MTMR3: variants seen among roughly 807,000 people sequenced by gnomAD.
MTMR3 encodes the protein phosphatidylinositol-3,5-bisphosphate 3-phosphatase MTMR3.
Under a neutral mutation model 132.4 loss-of-function variants are expected in MTMR3, and 32 were observed. That is an observed-to-expected ratio of 0.24 (90% CI 0.18 to 0.32). The LOEUF (loss-of-function observed/expected upper bound fraction) is 0.32. Among genes scored for constraint, MTMR3 ranks in the 10% least tolerant of loss-of-function variants. The pLI, the probability that MTMR3 is intolerant of heterozygous loss-of-function variation, is 1.00. For missense variants in MTMR3, 1,216 were observed against 1,489.6 expected, an observed-to-expected ratio of 0.82 and a Z score of 3.02; for synonymous variants, 556 against 550.3, an observed-to-expected ratio of 1.01 and a Z score of -0.14.
rs137961895 is a variant in MTMR3, at chr22:29,935,853, C to T, written c.-137-21183C>T. On this transcript the variant is annotated intron_variant, in intron 1 of 19. Coordinates refer to ENST00000401950, the MANE Select transcript of MTMR3 (RefSeq NM_021090.4). ...CTGCAGGCTCTGCCTCCCAGGTTCA[C>T]GCCATTCTCCTGCCTCAGCCTCCCG... Among the ~76,000 whole-genome samples the T allele has an allele frequency of 2.0e-3, 307 of 150,326 alleles. 3 individuals are homozygous for T. Among genetic ancestry groups the T allele is most frequent in the Admixed American group, 3.6e-3 (53 of 14,892 alleles).
chr22:29,988,363 T>C, intron 5 of MTMR3, 117 bp from the exon 6 acceptor site: 1 of 610,312 alleles, frequency 1.6e-6, no homozygotes, highest in South Asian at 2.8e-5. Context: ...AAGTTTGCAG[T>C]TCTATTTTTG....
chr22:29,941,060 C>T (rs36599), intron 1 of MTMR3, among the ~76,000 whole-genome samples: 12,947 of 149,740 alleles, frequency 0.086, 1,192 homozygotes, highest in African/African-American at 0.12. Context: ...CTTTATGCAC[C>T]GCTTCTAGTT....
chr22:30,013,683 A>G, intron 14 of MTMR3, 142 bp downstream of exon 14: 1 of 748,188 alleles, frequency 1.3e-6, no homozygotes, highest in East Asian at 3.0e-5. Flanking sequence ...TTTTTTTTTT[A>G]GTAAATAATT....
At position 29,979,028 on chromosome 22, in the gene MTMR3, C is replaced by G; in HGVS notation, c.186C>G (p.Ile62Met). The G allele has an allele frequency of 6.2e-7, 1 of 1,611,738 alleles. No homozygotes were observed. The highest frequency in any genetic ancestry group is 8.5e-7 in the Non-Finnish European group (1 of 1,177,884). ...CCCTTTCCAATTACAGACTTCACAT[C>G]AAGTTCAAGGAGTCTCTTGTTAATG... ...IIALSNYRLH[I>M]KFKESLVNVP... The change falls in exon 5 of 20, where the codon ATC (isoleucine) becomes ATG (methionine). Residue 62 changes from isoleucine (I) to methionine (M), a missense_variant. Ile to Met is a conservative substitution (Grantham distance 10). This residue lies in a region of MTMR3 where 81 missense variants were observed against 87.7 expected (regional missense o/e 0.92). Coordinates refer to ENST00000401950, the MANE Select transcript of MTMR3 (RefSeq NM_021090.4).
intron 1 of MTMR3, among the ~76,000 whole-genome samples, chr22:29,900,614 C>A (rs1182729887): frequency 1.3e-5 from 2 of 151,896 alleles, no homozygotes; most frequent in East Asian, 3.8e-4. Flanking sequence ...AGGATTATTC[C>A]CAGAGGTAGG....
chr22:29,978,150 G>A, intron 3 of MTMR3: 1 of 242,406 alleles, frequency 4.1e-6, no homozygotes, highest in South Asian at 5.3e-5. Flanking sequence ...CTGGGTGATA[G>A]TGAGATTCTG....
chr22:29,942,029 G>T (rs1363458891), intron 1 of MTMR3, among the ~76,000 whole-genome samples: 6 of 152,104 alleles, frequency 3.9e-5, no homozygotes, highest in South Asian at 2.1e-4. Context: ...TATCTTGAAT[G>T]CCTTTAGTTT....
At chr22:29,923,066 G>A (rs1174415628) in intron 1 of MTMR3, among the ~76,000 whole-genome samples, 1 of 148,142 alleles carries the variant, frequency 6.8e-6, no homozygotes, top group African/African-American at 2.5e-5. Context: ...TTTTGAGACG[G>A]AGTCTTGCTC....
In MTMR3 at chr22:29,991,739, T is replaced by G. The variant is rs962933736; in HGVS notation, c.460+69T>G. 13 of 1,452,850 alleles carry G rather than the reference T, an allele frequency of 8.9e-6. No homozygotes were observed. In the Admixed American group the frequency reaches 2.3e-4, roughly 26 times the overall value. The allele number at this position is 1,452,850 out of a possible 1,614,324, so 90.0% of individuals were successfully genotyped here. ...GCTACTGATGGAGGTACTTTTAACA[T>G]GAAATGGGACACCTAAGCATTCATA... On this transcript the variant is annotated intron_variant, in intron 7 of 19. Transcript: ENST00000401950.
chr22:29,957,461 A>G (rs2066222356), intron 2 of MTMR3, among the ~76,000 whole-genome samples: 1 of 146,692 alleles, frequency 6.8e-6, no homozygotes, highest in Non-Finnish European at 1.5e-5. Flanking sequence ...TTATTTATTG[A>G]TATATTTTTT....
At chr22:29,914,002 A>C (rs1379807425) in intron 1 of MTMR3, among the ~76,000 whole-genome samples, 1 of 152,024 alleles carries the variant, frequency 6.6e-6, no homozygotes, top group Non-Finnish European at 1.5e-5. Context: ...CGCCCACCTC[A>C]ACCTCCCAAA....
chr22:30,007,663 G>A, intron 10 of MTMR3: 2 of 573,252 alleles, frequency 3.5e-6, no homozygotes, highest in Non-Finnish European at 3.1e-6. Context: ...TAAGAGACTG[G>A]GCTGTGTGAA....
chr22:29,887,822 A>T lies in MTMR3; in HGVS notation c.-138+4463A>T, dbSNP rs560528620. ...GGTAATGAAATCAATGTACTTATTT[A>T]AAAAAGCATTTTCAGAAAGAGAATA... On this transcript the variant is annotated intron_variant, in intron 1 of 19. Coordinates refer to ENST00000401950, the MANE Select transcript of MTMR3 (RefSeq NM_021090.4). 4.6e-5 allele frequency among the ~76,000 whole-genome samples: 7 copies of T among 152,236 alleles called. No homozygotes were observed. The East Asian group carries it at 1.3e-3, about 29-fold the overall frequency.
chr22:29,978,822 CTG>C (rs767188309), intron 4 of MTMR3, 112 bp from the exon 5 acceptor site: 17 of 791,980 alleles, frequency 2.1e-5, no homozygotes, highest in Admixed American at 4.4e-5. Flanking sequence ...TACTTATGTG[CTG>C]TGTTTTCAAC....
At chr22:29,946,310 T>G (rs1468958360) in intron 1 of MTMR3, among the ~76,000 whole-genome samples, 1 of 152,046 alleles carries the variant, frequency 6.6e-6, no homozygotes, top group African/African-American at 2.4e-5. Flanking sequence ...GGATTCTGTT[T>G]AGGATAGAGG....
chr22:29,983,115 C>G (rs901827753), intron 5 of MTMR3: 4 of 152,176 alleles, frequency 2.6e-5, no homozygotes, highest in African/African-American at 9.7e-5. Context: ...CCTTGCAAAT[C>G]AGCAGAATGT....
intron 1 of MTMR3, among the ~76,000 whole-genome samples, chr22:29,886,276 T>C (rs2064675164): frequency 6.6e-6 from 1 of 152,240 alleles, no homozygotes; most frequent in Non-Finnish European, 1.5e-5. Context: ...TCAGTGCTTA[T>C]TGTTTGGAAT....
chr22:29,999,695 T>C (rs771051689), intron 8 of MTMR3: 3 of 152,250 alleles, frequency 2.0e-5, no homozygotes, highest in Non-Finnish European at 4.4e-5. Flanking sequence ...TTCACTGCTA[T>C]GATCATTTAA....
intron 17 of MTMR3, 75 bp downstream of exon 17, chr22:30,020,959 G>A: frequency 7.2e-7 from 1 of 1,382,354 alleles, no homozygotes; most frequent in East Asian, 2.5e-5. Flanking sequence ...TTTGTGCCCA[G>A]TGCATGGTGA....
Sources: allele counts gnomAD v4.1 joint callset (sites outside exome capture counted in the v4.1 genomes callset), GRCh38; gene constraint gnomAD v4.1.1; regional missense constraint gnomAD v4.1.1; transcripts MANE v1.5; gene names NCBI Gene and HGNC (gene_info 2026-07-23, HGNC 2026-07-21).